Variants in DST observed in about 807,000 individuals in gnomAD.
DST encodes bullous pemphigoid antigen.
In DST, 253 loss-of-function variants were observed where a neutral mutation model predicts 875.2. The observed-to-expected ratio is 0.29, with a 90% CI of 0.26 to 0.32. The LOEUF (loss-of-function observed/expected upper bound fraction) is 0.32. Among genes scored for constraint, DST ranks in the 10% least tolerant of loss-of-function variants. DST has a pLI of 1.00. For synonymous variants in DST, 3,124 were observed against 3,197.1 expected (o/e 0.98, Z 0.77); for missense variants, 8,287 against 9,111.6 (o/e 0.91, Z 3.68).
At chr6:56,746,604 A>T (rs1001783953) in intron 4 of DST, among the ~76,000 whole-genome samples, 3 of 152,176 alleles carry the variant, frequency 2.0e-5, no homozygotes, top group African/African-American at 7.2e-5. Flanking sequence ...GTATATCATG[A>T]GGAAGAGCAG....
chr6:56,545,759 G>A (rs1362146586), intron 61 of DST, among the ~76,000 whole-genome samples: 1 of 152,146 alleles, frequency 6.6e-6, no homozygotes, highest in African/African-American at 2.4e-5. Context: ...TGTGCAGTAA[G>A]TGAAAAATGT....
At chr6:56,785,504 A>T (rs900040717) in intron 4 of DST, among the ~76,000 whole-genome samples, 3 of 150,102 alleles carry the variant, frequency 2.0e-5, no homozygotes, top group African/African-American at 4.9e-5. Context: ...TGGGCGTAGG[A>T]CCCTCCAAGC....
chr6:56,742,649 G>T (rs748384880), intron 4 of DST, among the ~76,000 whole-genome samples: 30 of 151,826 alleles, frequency 2.0e-4, no homozygotes, highest in Non-Finnish European at 3.4e-4. Flanking sequence ...GTTTTGCAAT[G>T]AGGCGAACCA....
intron 5 of DST, among the ~76,000 whole-genome samples, chr6:56,704,739 G>A (rs954021812): frequency 1.2e-4 from 18 of 152,264 alleles, no homozygotes; most frequent in African/African-American, 2.6e-4. Context: ...TTTCACCCCC[G>A]CAGTTGATCT....
chr6:56,591,845 G>C (rs1219490225), intron 49 of DST, among the ~76,000 whole-genome samples: 2 of 151,910 alleles, frequency 1.3e-5, no homozygotes, highest in Non-Finnish European at 2.9e-5. Flanking sequence ...AGTCCCAGCT[G>C]GTGGCGGGCG....
At chr6:56,691,946 A>G (rs182193217) in intron 9 of DST, among the ~76,000 whole-genome samples, 20 of 152,330 alleles carry the variant, frequency 1.3e-4, no homozygotes, top group Non-Finnish European at 1.5e-5. Flanking sequence ...CTCATGAATC[A>G]GCAAGTCGGT....
intron 22 of DST, among the ~76,000 whole-genome samples, chr6:56,637,443 A>C (rs2098836485): frequency 6.6e-6 from 1 of 152,048 alleles, no homozygotes; most frequent in South Asian, 2.1e-4. Flanking sequence ...CTTTCTCTGA[A>C]TTTTTACGGT....
At chr6:56,558,264 G>C (rs925902521) in intron 58 of DST, among the ~76,000 whole-genome samples, 12 of 151,946 alleles carry the variant, frequency 7.9e-5, no homozygotes, top group Admixed American at 2.6e-4. Flanking sequence ...TTTTTACATT[G>C]ATATATAGTA....
intron 61 of DST, among the ~76,000 whole-genome samples, chr6:56,547,830 C>T (rs1178801998): frequency 6.6e-6 from 1 of 152,166 alleles, no homozygotes; most frequent in Non-Finnish European, 1.5e-5. Flanking sequence ...TTCACCTGGA[C>T]CAGAGAAAAT....
At chr6:56,944,321 G>A (rs930099980) in intron 2 of DST, among the ~76,000 whole-genome samples, 1 of 151,838 alleles carries the variant, frequency 6.6e-6, no homozygotes, top group African/African-American at 2.4e-5. Context: ...CTAAGAACTG[G>A]GGTTTTAGAC....
chr6:56,948,364 T>C (rs947294207), intron 2 of DST, among the ~76,000 whole-genome samples: 1 of 152,204 alleles, frequency 6.6e-6, no homozygotes, highest in Non-Finnish European at 1.5e-5. Flanking sequence ...TAAGGGTGAC[T>C]TGAACACAAG....
At chr6:56,874,330 T>G (rs903411763) in intron 3 of DST, among the ~76,000 whole-genome samples, 1 of 152,038 alleles carries the variant, frequency 6.6e-6, no homozygotes, top group African/African-American at 2.4e-5. Context: ...CACAGCGAGA[T>G]CCCATCTCTT....
chr6:56,521,313 T>C (rs537588933), intron 69 of DST, among the ~76,000 whole-genome samples: 4 of 152,012 alleles, frequency 2.6e-5, no homozygotes, highest in South Asian at 2.1e-4. Flanking sequence ...GAATAAAATT[T>C]AACAGTTATA....
intron 10 of DST, among the ~76,000 whole-genome samples, chr6:56,656,953 T>C (rs11970410): frequency 0.16 from 24,106 of 152,050 alleles, 4,705 homozygotes; most frequent in African/African-American, 0.47. Flanking sequence ...CTCATCAATG[T>C]GTCCTATACC....
At chr6:56,768,101 G>A (rs956184396) in intron 4 of DST, among the ~76,000 whole-genome samples, 2 of 152,188 alleles carry the variant, frequency 1.3e-5, no homozygotes, top group African/African-American at 4.8e-5. Context: ...GGAGGGAGCT[G>A]AGGCAAAAGA....
chr6:56,754,885 T>C (rs1370586642), intron 4 of DST, among the ~76,000 whole-genome samples: 1 of 152,132 alleles, frequency 6.6e-6, no homozygotes, highest in Non-Finnish European at 1.5e-5. Context: ...TAGTATAAGT[T>C]ATTCAGAAGT....
Position 56,604,762 on chromosome 6 carries a change from A to G in DST, c.9866T>C (p.Leu3289Pro). The G allele has an allele frequency of 6.2e-7, 1 of 1,612,862 alleles. No homozygotes were observed. Among genetic ancestry groups the G allele is most frequent in the Non-Finnish European group, 8.5e-7 (1 of 1,179,194 alleles). ...HVEDVGKNDF[L>P]QSERCANGLG... is the part of the protein sequence containing the mutation. Reference sequence around the variant, plus strand: ...TCCATTTGCACACCGCTCCGACTGCAGAAAATCATTTTTCCCAACATCTTC... The same window carrying G: ...TCCATTTGCACACCGCTCCGACTGCGGAAAATCATTTTTCCCAACATCTTC... Residue 3289 changes from leucine to proline, a missense_variant, in exon 40 of 104, where the codon CTG (leucine) becomes CCG (proline). Physicochemically the swap from Leu to Pro is moderately conservative, Grantham distance 98. This residue lies in a region of DST where 3,138 missense variants were observed against 3,116.6 expected (regional missense o/e 1.01). Coordinates refer to ENST00000680361, the MANE Select transcript of DST (RefSeq NM_001374736.1).
chr6:56,463,791 C>T (rs752076235), intron 100 of DST, 27 bp from the exon 101 acceptor site: 1 of 1,612,018 alleles, frequency 6.2e-7, no homozygotes. Context: ...CAACAATGCA[C>T]ACAAAGAAAA....
chr6:56,562,177 CT>C lies in DST; in HGVS notation c.14028del (p.Gly4677GlufsTer15). Reference sequence around the variant, plus strand: ...AATTCCTCAGTATTTGTGGCTGTTCCTTCACCATTTAATACTGCTCCACCTG... The same window carrying C: ...AATTCCTCAGTATTTGTGGCTGTTCCTCACCATTTAATACTGCTCCACCTG... ...VKSGGAVLNG[E>X]GTATNTEEFW... On this transcript the variant is annotated frameshift_variant, in exon 56 of 104. Coordinates refer to ENST00000680361, the MANE Select transcript of DST (RefSeq NM_001374736.1). LOFTEE classifies it high-confidence loss of function. The C allele has an allele frequency of 6.4e-7, 1 of 1,555,234 alleles. No homozygotes were observed.
Sources: allele counts gnomAD v4.1 joint callset (sites outside exome capture counted in the v4.1 genomes callset), GRCh38; gene constraint gnomAD v4.1.1; regional missense constraint gnomAD v4.1.1; transcripts MANE v1.5; gene names NCBI Gene and HGNC (gene_info 2026-07-23, HGNC 2026-07-21).